The following ADAMTSL2 variants were observed in gnomAD, a reference collection of about 807,000 sequenced individuals.
The protein encoded by ADAMTSL2 is ADAMTS-like protein 2.
Under a neutral mutation model 117.0 loss-of-function variants are expected in ADAMTSL2, and 55 were observed. The ratio of observed to expected loss-of-function variants is 0.47; its 90% CI spans 0.38 to 0.59. The LOEUF is 0.59. ADAMTSL2 is among the 20% of genes least tolerant of loss of function. The probability of loss-of-function intolerance (pLI) is 0.00; values close to 1 mark genes in which losing one functional copy is unlikely to be tolerated. For synonymous variants in ADAMTSL2, 572 were observed against 566.4 expected (o/e 1.01, Z -0.14); for missense variants, 1,182 against 1,354.5 (o/e 0.87, Z 2.00).
At chr9:133,534,641 A>C, upstream of ADAMTSL2, 7 of 1,303,564 alleles carry the variant, frequency 5.4e-6, no homozygotes, top group Non-Finnish European at 5.9e-6. Context: ...CCTGGTGGGA[A>C]GTGTGAGTGT....
intron 7 of ADAMTSL2, among the ~76,000 whole-genome samples, chr9:133,543,322 C>T (rs1169087511): frequency 6.6e-6 from 1 of 152,228 alleles, no homozygotes; most frequent in African/African-American, 2.4e-5. Flanking sequence ...TGCAAACAAA[C>T]ATAGCTTCAG....
chr9:133,555,744 GGAGCTCCCTGGCCGA>G lies in ADAMTSL2; in HGVS notation c.1469_1483del (p.Ser490_Ser494del). On this transcript the variant is annotated inframe_deletion, in exon 11 of 19. Coordinates refer to ENST00000651351, the MANE Select transcript of ADAMTSL2 (RefSeq NM_014694.4). ...AGCATCTTTGCACAGGGCGCCCCAA[GGAGCTCCCTGGCCGA>G]GAGCTTCTTCGTGGATTATGAGGAG... The G allele has an allele frequency of 6.2e-7, 1 of 1,614,050 alleles. No homozygotes were observed. The highest frequency in any genetic ancestry group is 8.5e-7 in the Non-Finnish European group (1 of 1,180,044).
At chr9:133,553,110 C>T (rs1288136048) in intron 9 of ADAMTSL2, among the ~76,000 whole-genome samples, 2 of 152,190 alleles carry the variant, frequency 1.3e-5, no homozygotes, top group Non-Finnish European at 2.9e-5. Flanking sequence ...AGGCAGAGGT[C>T]TCTGTGTCGT....
chr9:133,569,699 A>C, intron 16 of ADAMTSL2, 121 bp downstream of exon 16: 1 of 1,026,364 alleles, frequency 9.7e-7, no homozygotes, highest in Admixed American at 2.2e-5. Flanking sequence ...GCAAATTATG[A>C]AGGGACAATT....
rs1443492663 is a variant in ADAMTSL2, at chr9:133,573,822, C to T, written c.2593-21C>T. 3.7e-6 allele frequency: 6 copies of T among 1,613,832 alleles called. No individual in the cohort carries two copies. In the African/African-American group the frequency reaches 6.7e-5, roughly 18 times the overall value. On this transcript the variant is annotated intron_variant, in intron 17 of 18. Coordinates refer to ENST00000651351, the MANE Select transcript of ADAMTSL2 (RefSeq NM_014694.4). ...CCCCATCAGGAGGCTTTCCCCATGC[C>T]TTCTGTCTCTCCCACACCAGTGCAC...
At position 133,544,462 on chromosome 9, in the gene ADAMTSL2, G is replaced by A. The variant is rs1830301489; in HGVS notation, c.683-8G>A. 7 of 1,612,790 alleles carry A rather than the reference G, an allele frequency of 4.3e-6. No individual in the cohort carries two copies. The highest frequency in any genetic ancestry group is 2.7e-5 in the African/African-American group (2 of 75,036). ...AAGAGGGGCTCACTGTCATCCTTTT[G>A]CCTCCAGGTTACTCTCTGGTGACCC... is the stretch of plus-strand genomic sequence containing the variant. On this transcript the variant is annotated splice_region_variant and splice_polypyrimidine_tract_variant and intron_variant, in intron 7 of 18. Transcript: ENST00000651351.
chr9:133,564,170 G>GAGAGAA (rs1419179349), intron 12 of ADAMTSL2, among the ~76,000 whole-genome samples: 2 of 31,180 alleles, frequency 6.4e-5, no homozygotes, highest in Admixed American at 2.3e-4. Flanking sequence ...GAGAAAGGGA[G>GAGAGAA]AGAGAGAGAG....
chr9:133,545,598 C>A (rs887696101), intron 8 of ADAMTSL2, among the ~76,000 whole-genome samples: 5 of 152,198 alleles, frequency 3.3e-5, no homozygotes, highest in Admixed American at 6.5e-5. Flanking sequence ...CTGGCCCGAG[C>A]GGGGAGCCGG....
At chr9:133,571,966 G>A (rs1205879317) in intron 17 of ADAMTSL2, among the ~76,000 whole-genome samples, 7 of 152,202 alleles carry the variant, frequency 4.6e-5, no homozygotes, top group African/African-American at 1.4e-4. Context: ...CCTGGCGCCC[G>A]AGGGCTCCAA....
At chr9:133,562,517 G>A (rs1401388636) in intron 12 of ADAMTSL2, among the ~76,000 whole-genome samples, 1 of 138,216 alleles carries the variant, frequency 7.2e-6, no homozygotes, top group Non-Finnish European at 1.6e-5. Flanking sequence ...CGTGGGCGGC[G>A]TGGCGGGCAC....
chr9:133,537,308 G>T, intron 2 of ADAMTSL2, 97 bp from the exon 3 acceptor site: 2 of 1,264,962 alleles, frequency 1.6e-6, no homozygotes, highest in Non-Finnish European at 2.0e-6. Context: ...GTGTCTTCTG[G>T]TCCCGCTGAC....
chr9:133,532,458 A>G (rs1356121654), upstream of ADAMTSL2: 6 of 152,164 alleles, frequency 3.9e-5, no homozygotes, highest in African/African-American at 1.4e-4. Flanking sequence ...CAGCCTCTCA[A>G]ACTGCTGGGA....
At chr9:133,565,101 G>A (rs1396155596) in intron 12 of ADAMTSL2, among the ~76,000 whole-genome samples, 2 of 152,172 alleles carry the variant, frequency 1.3e-5, no homozygotes, top group Non-Finnish European at 2.9e-5. Context: ...GCACCGTGGT[G>A]AGGACAGTGG....
At chr9:133,538,569 A>G (rs1830111660) in intron 4 of ADAMTSL2, 145 bp downstream of exon 4, 1 of 927,804 alleles carries the variant, frequency 1.1e-6, no homozygotes, top group Admixed American at 2.1e-5. Flanking sequence ...CAGGGTTGAG[A>G]AGGCTGCGGG....
chr9:133,542,502 A>G (rs1429523079), intron 7 of ADAMTSL2, among the ~76,000 whole-genome samples: 2 of 152,192 alleles, frequency 1.3e-5, no homozygotes, highest in African/African-American at 2.4e-5. Context: ...CCTGAGAGAT[A>G]GGGCTCATGT....
chr9:133,557,274 C>T lies in ADAMTSL2; in HGVS notation c.1649+1344C>T, dbSNP rs1233416236. On this transcript the variant is annotated intron_variant, in intron 11 of 18. Transcript: ENST00000651351. This position sits in a 1 kb window ranked among gnomAD's most constrained non-coding sequence, Gnocchi z 5.2. ...TTCTCAAACTGTTTTCTGAGGCCACCGAGGTGCCTGGGGCTGCGGGGTGCA... is the reference window on the plus strand; with the variant it reads ...TTCTCAAACTGTTTTCTGAGGCCACTGAGGTGCCTGGGGCTGCGGGGTGCA... 1.3e-5 allele frequency among the ~76,000 whole-genome samples: 2 copies of T among 152,132 alleles called. No individual in the cohort carries two copies. The highest frequency in any genetic ancestry group is 4.8e-5 in the African/African-American group (2 of 41,414).
intron 11 of ADAMTSL2, among the ~76,000 whole-genome samples, chr9:133,556,799 A>G (rs1830613243): frequency 6.6e-6 from 1 of 152,154 alleles, no homozygotes; most frequent in African/African-American, 2.4e-5. Context: ...GTCAGGGGCC[A>G]GCTGTGAGCA....
chr9:133,562,443 TCGGCCAGGC>T lies in ADAMTSL2; in HGVS notation c.1747+1149_1747+1157del, dbSNP rs1406306612. On this transcript the variant is annotated intron_variant, in intron 12 of 18. Coordinates refer to ENST00000651351, the MANE Select transcript of ADAMTSL2 (RefSeq NM_014694.4). Reference sequence around the variant, plus strand: ...GTGGGCGGCGTGGCGGGCACCCGGCTCGGCCAGGCTCGCACCGCCGTGGGCGGCGTGGCG... The same window carrying T: ...GTGGGCGGCGTGGCGGGCACCCGGCTTCGCACCGCCGTGGGCGGCGTGGCG... Among the ~76,000 whole-genome samples, 53 of 147,704 alleles carry T rather than the reference TCGGCCAGGC, an allele frequency of 3.6e-4. 10 individuals carry two copies. The highest frequency in any genetic ancestry group is 5.5e-4 in the African/African-American group (22 of 40,094).
Position 133,557,362 on chromosome 9 carries a change from A to G in ADAMTSL2, c.1649+1432A>G, listed in dbSNP as rs1440326915. 6.6e-6 allele frequency among the ~76,000 whole-genome samples: 1 copy of G among 152,214 alleles called. No homozygotes were observed. Among genetic ancestry groups the G allele is most frequent in the East Asian group, 1.9e-4 (1 of 5,188 alleles). On this transcript the variant is annotated intron_variant, in intron 11 of 18. Coordinates refer to ENST00000651351, the MANE Select transcript of ADAMTSL2 (RefSeq NM_014694.4). This position sits in a 1 kb window ranked among gnomAD's most constrained non-coding sequence, Gnocchi z 5.2. ...GGAATCCTACTTTGCAGATGTGGAC[A>G]GAGTGGGGCCTCGGAGCCTCCTCTG...
Sources: allele counts gnomAD v4.1 joint callset (sites outside exome capture counted in the v4.1 genomes callset), GRCh38; gene constraint gnomAD v4.1.1; non-coding constraint Gnocchi (gnomAD v3.1); transcripts MANE v1.5; gene names NCBI Gene and HGNC (gene_info 2026-07-23, HGNC 2026-07-21).